Variants in TMEM236 observed in about 807,000 individuals in gnomAD.
TMEM236 encodes transmembrane protein 236.
TMEM236 carries 11 observed loss-of-function variants against 14.7 expected under a neutral mutation model. The ratio of observed to expected loss-of-function variants is 0.75; its 90% confidence interval spans 0.47 to 1.24. The LOEUF is 1.24. TMEM236 is among the 50% of genes most tolerant of loss of function. The probability of loss-of-function intolerance (pLI) is 0.00; values close to 1 mark genes in which losing one functional copy is unlikely to be tolerated. For missense variants in TMEM236, 464 were observed against 427.3 expected (o/e 1.09, Z -0.76); for synonymous variants, 182 against 168.6 (o/e 1.08, Z -0.62).
At chr10:17,787,677 C>T (rs958868239) in intron 3 of TMEM236, among the ~76,000 whole-genome samples, 4 of 152,148 alleles carry the variant, frequency 2.6e-5, no homozygotes, top group Admixed American at 2.6e-4. Flanking sequence ...CCAGGCACTC[C>T]ACTGGTGCTG....
At chr10:17,766,193 A>G (rs1341513897) in intron 1 of TMEM236, among the ~76,000 whole-genome samples, 5 of 152,218 alleles carry the variant, frequency 3.3e-5, no homozygotes, top group African/African-American at 1.2e-4. Context: ...ATTTTATTGT[A>G]AACAGCAGGG....
At chr10:17,762,746 C>T (rs1003201559) in intron 1 of TMEM236, among the ~76,000 whole-genome samples, 1 of 150,984 alleles carries the variant, frequency 6.6e-6, no homozygotes, top group African/African-American at 2.4e-5. Context: ...TAGCTCACTC[C>T]AGCCTCAACT....
chr10:17,780,711 G>A (rs1837732832), intron 3 of TMEM236, among the ~76,000 whole-genome samples: 1 of 152,134 alleles, frequency 6.6e-6, no homozygotes, highest in African/African-American at 2.4e-5. Context: ...GATACCCAAG[G>A]TTCGTCATCT....
intron 3 of TMEM236, among the ~76,000 whole-genome samples, chr10:17,793,379 G>A (rs2131768241): frequency 6.6e-6 from 1 of 152,324 alleles, no homozygotes; most frequent in South Asian, 2.1e-4. Flanking sequence ...AAGCCATTGG[G>A]ATTTTCATTA....
intron 3 of TMEM236, among the ~76,000 whole-genome samples, chr10:17,791,877 G>T (rs1837931050): frequency 6.6e-6 from 1 of 152,160 alleles, no homozygotes; most frequent in African/African-American, 2.4e-5. Flanking sequence ...GATTGCAGGA[G>T]ACTCACAGTC....
intron 3 of TMEM236, among the ~76,000 whole-genome samples, chr10:17,777,715 A>G (rs1388083567): frequency 6.6e-6 from 1 of 152,104 alleles, no homozygotes; most frequent in African/African-American, 2.4e-5. Context: ...AGTTAATAAC[A>G]TTTTATTTTT....
chr10:17,763,684 AGAG>A (rs1554834167), intron 1 of TMEM236, among the ~76,000 whole-genome samples: 1 of 152,172 alleles, frequency 6.6e-6, no homozygotes, highest in Non-Finnish European at 1.5e-5. Context: ...GAGGGCATCC[AGAG>A]GAGGAGGATG....
intron 1 of TMEM236, among the ~76,000 whole-genome samples, chr10:17,759,699 T>C (rs1008950816): frequency 3.9e-5 from 6 of 152,068 alleles, no homozygotes; most frequent in African/African-American, 1.4e-4. Context: ...TAGTCTCCCC[T>C]TTAGAAATGA....
chr10:17,774,386 T>C (rs916454555), intron 2 of TMEM236, among the ~76,000 whole-genome samples: 1 of 152,208 alleles, frequency 6.6e-6, no homozygotes, highest in Non-Finnish European at 1.5e-5. Flanking sequence ...CTTCATTCTT[T>C]TTTAGATTCA....
At chr10:17,768,534 T>A (rs1405613948) in intron 1 of TMEM236, among the ~76,000 whole-genome samples, 6 of 152,192 alleles carry the variant, frequency 3.9e-5, no homozygotes, top group African/African-American at 1.4e-4. Context: ...TTCACTAGAT[T>A]CTCCGAAGTT....
At chr10:17,758,897 AT>A (rs1324374397) in intron 1 of TMEM236, among the ~76,000 whole-genome samples, 1 of 152,164 alleles carries the variant, frequency 6.6e-6, no homozygotes, top group Non-Finnish European at 1.5e-5. Context: ...TTTATGTCAT[AT>A]TTATGTTTTA....
intron 1 of TMEM236, among the ~76,000 whole-genome samples, chr10:17,761,179 T>G (rs1837356632): frequency 6.6e-6 from 1 of 152,170 alleles, no homozygotes; most frequent in African/African-American, 2.4e-5. Context: ...CCATCAAAAC[T>G]TGAGTTTCTG....
At chr10:17,775,574 T>A (rs1837646357) in intron 2 of TMEM236, among the ~76,000 whole-genome samples, 1 of 152,226 alleles carries the variant, frequency 6.6e-6, no homozygotes. Flanking sequence ...ACACCTGGCC[T>A]TGCCGTAGCT....
Position 17,769,431 on chromosome 10 carries a change from G to A in TMEM236, c.258-1878G>A, listed in dbSNP as rs1039635612. ...TTCAGGAAAAACACCAGAATATATT[G>A]TGGAGTCCTGGGCAAATGAGTGGTA... On this transcript the variant is annotated intron_variant, in intron 1 of 3. Transcript: ENST00000377495. Among the ~76,000 whole-genome samples the A allele has an allele frequency of 4.8e-4, 73 of 152,314 alleles. 1 individual carries two copies. Among genetic ancestry groups the A allele is most frequent in the African/African-American group, 1.6e-3 (66 of 41,574 alleles).
In TMEM236 at chr10:17,799,727, C is replaced by G. The variant is rs1167786542; in HGVS notation, c.*3223C>G. Reference sequence around the variant, plus strand: ...ATTTTGTGTAAGTATATATTTATCTCCATATTAGAACTTAGCAACAGTGCT... The same window carrying G: ...ATTTTGTGTAAGTATATATTTATCTGCATATTAGAACTTAGCAACAGTGCT... On this transcript the variant is annotated 3_prime_UTR_variant, in exon 4 of 4. Coordinates refer to ENST00000377495, the MANE Select transcript of TMEM236 (RefSeq NM_001098844.3). The G allele has an allele frequency of 1.3e-5, 2 of 152,496 alleles. No homozygotes were observed. Among genetic ancestry groups the G allele is most frequent in the African/African-American group, 2.4e-5 (1 of 41,420 alleles). The allele number at this position is 152,496 out of a possible 1,614,324, so 9.4% of individuals were successfully genotyped here.
intron 3 of TMEM236, among the ~76,000 whole-genome samples, chr10:17,780,939 G>A (rs1028427055): frequency 2.6e-5 from 4 of 152,102 alleles, no homozygotes; most frequent in Non-Finnish European, 4.4e-5. Context: ...GGTTGGACTG[G>A]GTGTGATGTT....
At chr10:17,785,445 C>A (rs1837818794) in intron 3 of TMEM236, among the ~76,000 whole-genome samples, 1 of 152,120 alleles carries the variant, frequency 6.6e-6, no homozygotes, top group Non-Finnish European at 1.5e-5. Flanking sequence ...CAAGCACAGG[C>A]CAATCCAAAT....
intron 3 of TMEM236, 111 bp from the exon 4 acceptor site, chr10:17,795,810 A>G (rs550420181): frequency 0.13 from 145,842 of 1,145,890 alleles, 10,127 homozygotes; most frequent in East Asian, 0.21. Context: ...AGTGAAAAAC[A>G]AAAGAATATG....
intron 3 of TMEM236, among the ~76,000 whole-genome samples, chr10:17,793,249 T>A (rs1353486016): frequency 6.6e-6 from 1 of 152,194 alleles, no homozygotes; most frequent in East Asian, 1.9e-4. Context: ...TCTCCCTGAC[T>A]GTTTAAAAAA....
Sources: gnomAD v4.1 joint callset for allele counts (sites outside exome capture counted in the v4.1 genomes callset) on GRCh38, gnomAD v4.1.1 for gene constraint, MANE v1.5 for transcripts, NCBI Gene and HGNC (gene_info 2026-07-23, HGNC 2026-07-21) for gene names.